The following DPP10 variants were observed in gnomAD, a reference collection of about 807,000 sequenced individuals.
DPP10 encodes the protein dipeptidyl peptidase like 10, also known as inactive dipeptidyl peptidase 10.
Under a neutral mutation model 120.9 loss-of-function variants are expected in DPP10, and 33 were observed. That is an observed-to-expected ratio of 0.27 (90% confidence interval 0.21 to 0.37). DPP10 has a LOEUF of 0.37. Among genes scored for constraint, DPP10 ranks in the 10% least tolerant of loss-of-function variants. DPP10 has a pLI of 1.00. For missense variants in DPP10, 816 were observed against 942.8 expected (o/e 0.87, Z 1.76); for synonymous variants, 337 against 326.1 (o/e 1.03, Z -0.36).
intron 1 of DPP10, among the ~76,000 whole-genome samples, chr2:114,630,266 G>C (rs370819237): frequency 6.6e-6 from 1 of 152,062 alleles, no homozygotes; most frequent in Admixed American, 6.6e-5. Context: ...AAACTTACTG[G>C]TCGTGACCTC....
At chr2:115,191,263 G>A (rs973975151) in intron 1 of DPP10, among the ~76,000 whole-genome samples, 18 of 152,234 alleles carry the variant, frequency 1.2e-4, no homozygotes, top group Admixed American at 1.1e-3. Context: ...GTTTTACAGA[G>A]CATTGGACCA....
intron 3 of DPP10, among the ~76,000 whole-genome samples, chr2:115,488,828 T>C (rs2075915558): frequency 7.6e-6 from 1 of 131,758 alleles, no homozygotes; most frequent in Non-Finnish European, 1.6e-5. Context: ...CATGTATACA[T>C]ATGTAACTAA....
intron 3 of DPP10, among the ~76,000 whole-genome samples, chr2:115,463,299 C>T (rs1052286048): frequency 2.6e-5 from 4 of 152,114 alleles, no homozygotes; most frequent in African/African-American, 9.7e-5. Context: ...ATGGTAAACA[C>T]CAAATCCTTG....
intron 1 of DPP10, among the ~76,000 whole-genome samples, chr2:115,226,716 A>G (rs1374508373): frequency 6.6e-6 from 1 of 152,196 alleles, no homozygotes; most frequent in Non-Finnish European, 1.5e-5. Flanking sequence ...AGTTACATCA[A>G]TTTGGTATTT....
At chr2:115,352,286 G>A (rs1170938816) in intron 3 of DPP10, among the ~76,000 whole-genome samples, 1 of 152,018 alleles carries the variant, frequency 6.6e-6, no homozygotes, top group African/African-American at 2.4e-5. Context: ...TGGGGAAATG[G>A]GATGAAAGTT....
chr2:115,711,406 T>G (rs6721149), intron 7 of DPP10, among the ~76,000 whole-genome samples: 1 of 151,936 alleles, frequency 6.6e-6, no homozygotes, highest in Non-Finnish European at 1.5e-5. Context: ...TGGCTACGTA[T>G]TTGCAGAGAT....
At chr2:115,247,611 G>A (rs1417316294) in intron 1 of DPP10, among the ~76,000 whole-genome samples, 3 of 152,020 alleles carry the variant, frequency 2.0e-5, no homozygotes, top group African/African-American at 7.2e-5. Flanking sequence ...CCTGAGAAAG[G>A]GATCATTACT....
At chr2:115,458,449 A>G (rs2073754592) in intron 3 of DPP10, among the ~76,000 whole-genome samples, 1 of 152,184 alleles carries the variant, frequency 6.6e-6, no homozygotes, top group African/African-American at 2.4e-5. Context: ...GACTTAAAAG[A>G]AAAAGACATG....
chr2:114,732,956 G>A (rs141636392), intron 1 of DPP10, among the ~76,000 whole-genome samples: 173 of 152,260 alleles, frequency 1.1e-3, no homozygotes, highest in Non-Finnish European at 2.4e-3. Context: ...TCTATCTGAC[G>A]TCAGAGTCTA....
At chr2:115,163,355 T>G (rs2052585614) in intron 1 of DPP10, among the ~76,000 whole-genome samples, 1 of 152,186 alleles carries the variant, frequency 6.6e-6, no homozygotes, top group Admixed American at 6.5e-5. Context: ...TTCTCTTTTC[T>G]CTCACATGTG....
chr2:115,511,724 T>C (rs1374371143), intron 4 of DPP10, among the ~76,000 whole-genome samples: 1 of 127,022 alleles, frequency 7.9e-6, no homozygotes, highest in Non-Finnish European at 1.6e-5. Flanking sequence ...TTCTTCTTCT[T>C]CTTCTTCTTT....
chr2:115,469,928 G>A (rs1474805771), intron 3 of DPP10, among the ~76,000 whole-genome samples: 1 of 149,136 alleles, frequency 6.7e-6, no homozygotes, highest in Non-Finnish European at 1.5e-5. Flanking sequence ...TCTTTAAAAT[G>A]TGGATATCAG....
At chr2:115,522,221 C>T (rs537798085) in intron 4 of DPP10, among the ~76,000 whole-genome samples, 5 of 152,180 alleles carry the variant, frequency 3.3e-5, no homozygotes, top group South Asian at 4.2e-4. Flanking sequence ...CTGATTACTC[C>T]GCCTCTCTGT....
At chr2:115,007,385 TA>T (rs951796476) in intron 1 of DPP10, among the ~76,000 whole-genome samples, 7 of 152,160 alleles carry the variant, frequency 4.6e-5, no homozygotes, top group African/African-American at 1.4e-4. Context: ...CCTTTCATGC[TA>T]AAAACTCTCA....
chr2:114,783,220 C>T (rs928966313), intron 1 of DPP10, among the ~76,000 whole-genome samples: 5 of 151,674 alleles, frequency 3.3e-5, no homozygotes, highest in South Asian at 4.2e-4. Context: ...TGCATCAAAG[C>T]GAAAATAGTG....
chr2:115,172,979 G>T lies in DPP10; in HGVS notation c.61-136260G>T, dbSNP rs147319150. Among the ~76,000 whole-genome samples, 412 of 152,274 alleles carry T rather than the reference G, an allele frequency of 2.7e-3. 1 individual carries two copies. Among genetic ancestry groups the T allele is most frequent in the Non-Finnish European group, 4.8e-3 (326 of 68,016 alleles). On this transcript the variant is annotated intron_variant, in intron 1 of 25. Transcript: ENST00000410059. Reference sequence around the variant, plus strand: ...CCAAAGCAAACATGGATTGGGAGTTGGTTAAGAAGCTGCATGGCATCCATT... The same window carrying T: ...CCAAAGCAAACATGGATTGGGAGTTTGTTAAGAAGCTGCATGGCATCCATT...
intron 1 of DPP10, among the ~76,000 whole-genome samples, chr2:114,904,557 C>T (rs902631848): frequency 2.6e-5 from 4 of 152,172 alleles, no homozygotes; most frequent in African/African-American, 9.7e-5. Flanking sequence ...TGGAAATTCT[C>T]AGCCAATTCA....
At chr2:115,829,283 T>C (rs1688684633) in intron 21 of DPP10, among the ~76,000 whole-genome samples, 1 of 152,184 alleles carries the variant, frequency 6.6e-6, no homozygotes, top group South Asian at 2.1e-4. Flanking sequence ...CCTAGCTCCG[T>C]TGGTTGACTA....
intron 3 of DPP10, among the ~76,000 whole-genome samples, chr2:115,486,195 A>G (rs2075768349): frequency 6.6e-6 from 1 of 151,972 alleles, no homozygotes; most frequent in East Asian, 1.9e-4. Context: ...TTGTATGTCA[A>G]TATGCTGATA....
Sources: allele counts gnomAD v4.1 joint callset (sites outside exome capture counted in the v4.1 genomes callset), GRCh38; gene constraint gnomAD v4.1.1; transcripts MANE v1.5; gene names NCBI Gene and HGNC (gene_info 2026-07-23, HGNC 2026-07-21).